Variants in TMEM170B observed in about 807,000 individuals in gnomAD.
The protein encoded by TMEM170B is transmembrane protein 170B.
Under a neutral mutation model 13.0 loss-of-function variants are expected in TMEM170B, and 6 were observed. The ratio of observed to expected loss-of-function variants is 0.46; its 90% CI spans 0.25 to 0.91. The LOEUF (loss-of-function observed/expected upper bound fraction) is 0.91. Ranked by LOEUF, TMEM170B falls within the 40% of genes least tolerant of loss-of-function variation. TMEM170B has a pLI of 0.17. For synonymous variants in TMEM170B, 61 were observed against 64.9 expected (o/e 0.94, Z 0.29); for missense variants, 138 against 165.2 (o/e 0.84, Z 0.90).
In TMEM170B at chr6:11,581,611, A is replaced by G. The variant is rs919443181; in HGVS notation, c.*6050A>G. 4 of 152,230 alleles carry G rather than the reference A, an allele frequency of 2.6e-5. No homozygotes were observed. Among genetic ancestry groups the G allele is most frequent in the African/African-American group, 9.6e-5 (4 of 41,470 alleles). The allele number at this position is 152,230 out of a possible 1,614,324, so 9.4% of individuals were successfully genotyped here. ...GTGCATAATCAATCGTCTGAGTCCCATAACTGTAACACTTTTTCTCTTATA... is the reference window on the plus strand; with the variant it reads ...GTGCATAATCAATCGTCTGAGTCCCGTAACTGTAACACTTTTTCTCTTATA... On this transcript the variant is annotated 3_prime_UTR_variant, in exon 3 of 3. Coordinates refer to ENST00000379426, the MANE Select transcript of TMEM170B (RefSeq NM_001100829.3).
chr6:11,561,773 C>T (rs751402486), intron 1 of TMEM170B, among the ~76,000 whole-genome samples: 1 of 152,064 alleles, frequency 6.6e-6, no homozygotes, highest in Non-Finnish European at 1.5e-5. Flanking sequence ...CATGTTCAGT[C>T]TGATGAAGGA....
At chr6:11,543,859 T>TA (rs1482640173) in intron 1 of TMEM170B, among the ~76,000 whole-genome samples, 5 of 152,330 alleles carry the variant, frequency 3.3e-5, no homozygotes, top group African/African-American at 1.2e-4. Flanking sequence ...ATTATCCCAA[T>TA]AGGTGAAGTG....
intron 1 of TMEM170B, among the ~76,000 whole-genome samples, chr6:11,561,435 G>A (rs1759664368): frequency 6.6e-6 from 1 of 152,100 alleles, no homozygotes; most frequent in Non-Finnish European, 1.5e-5. Context: ...TTCTTCCTAG[G>A]ACCTTGGGCA....
intron 1 of TMEM170B, among the ~76,000 whole-genome samples, chr6:11,544,604 A>T (rs1759406593): frequency 6.6e-6 from 1 of 152,222 alleles, no homozygotes; most frequent in African/African-American, 2.4e-5. Context: ...TACCAAGTTC[A>T]GCCTGCTATT....
In TMEM170B at chr6:11,578,565, T is replaced by G. The variant is rs1052832879; in HGVS notation, c.*3004T>G. The G allele has an allele frequency of 2.0e-5, 3 of 152,128 alleles. No homozygotes were observed. Among genetic ancestry groups the G allele is most frequent in the Admixed American group, 6.5e-5 (1 of 15,274 alleles). 9.4% of individuals were successfully genotyped at this position (152,128 alleles called of 1,614,324 possible). A position where few individuals can be genotyped will look rare whatever the true frequency, so the allele number is the denominator to read the frequency against. On this transcript the variant is annotated 3_prime_UTR_variant, in exon 3 of 3. Coordinates refer to ENST00000379426, the MANE Select transcript of TMEM170B (RefSeq NM_001100829.3). ...GGAGAACCAGCAGTCTTCCGAACCA[T>G]GGGACAGTTCCAAGGTAATAGCCTA...
At chr6:11,548,709 G>A (rs1354627354) in intron 1 of TMEM170B, among the ~76,000 whole-genome samples, 1 of 152,192 alleles carries the variant, frequency 6.6e-6, no homozygotes, top group Non-Finnish European at 1.5e-5. Context: ...TTAAGAAAAT[G>A]TGGCACATAT....
chr6:11,560,010 T>C (rs1013803342), intron 1 of TMEM170B, among the ~76,000 whole-genome samples: 15 of 152,012 alleles, frequency 9.9e-5, no homozygotes, highest in Non-Finnish European at 1.9e-4. Flanking sequence ...TTAATGACTT[T>C]CGGAGTTTTA....
rs188409238 is a variant in TMEM170B at position 11,578,250 on chromosome 6, C to T, written c.*2689C>T. 3.9e-5 allele frequency: 6 copies of T among 152,056 alleles called. No homozygotes were observed. Among genetic ancestry groups the T allele is most frequent in the Non-Finnish European group, 5.9e-5 (4 of 67,934 alleles). The allele number at this position is 152,056 out of a possible 1,614,324, so 9.4% of individuals were successfully genotyped here. The stretch of plus-strand genomic sequence containing the variant: ...CCTTGTTTGGGACATGACAAAAGTC[C>T]TTATTGATGTATTTGGGTTATATAC... On this transcript the variant is annotated 3_prime_UTR_variant, in exon 3 of 3. Transcript: ENST00000379426.
At chr6:11,566,871 TC>T (rs1759741180) in intron 2 of TMEM170B, among the ~76,000 whole-genome samples, 1 of 152,222 alleles carries the variant, frequency 6.6e-6, no homozygotes, top group Non-Finnish European at 1.5e-5. Context: ...GAGGCTTTCT[TC>T]CGTTTTCCGG....
chr6:11,555,396 G>A (rs1377104234), intron 1 of TMEM170B, among the ~76,000 whole-genome samples: 1 of 151,912 alleles, frequency 6.6e-6, no homozygotes, highest in Non-Finnish European at 1.5e-5. Flanking sequence ...TTGTTTTGTT[G>A]TTTTTTGGTT....
intron 1 of TMEM170B, among the ~76,000 whole-genome samples, chr6:11,562,623 G>A (rs2113775901): frequency 6.6e-6 from 1 of 152,038 alleles, no homozygotes; most frequent in South Asian, 2.1e-4. Flanking sequence ...ACAGTTGTAA[G>A]AACCAATACA....
At chr6:11,557,669 G>A (rs1231963884) in intron 1 of TMEM170B, among the ~76,000 whole-genome samples, 2 of 152,160 alleles carry the variant, frequency 1.3e-5, no homozygotes, top group African/African-American at 4.8e-5. Flanking sequence ...CAGTATGGTA[G>A]ATGGACTAAA....
intron 1 of TMEM170B, among the ~76,000 whole-genome samples, chr6:11,544,977 C>A (rs1054302600): frequency 6.7e-6 from 1 of 149,646 alleles, no homozygotes; most frequent in Non-Finnish European, 1.5e-5. Context: ...CTTTTATTTT[C>A]TTTAACTATT....
chr6:11,575,330 C>T lies in TMEM170B; in HGVS notation c.269-101C>T, dbSNP rs1359682736. 6 of 1,438,756 alleles carry T rather than the reference C, an allele frequency of 4.2e-6. No individual in the cohort carries two copies. Among genetic ancestry groups the T allele is most frequent in the Non-Finnish European group, 5.7e-6 (6 of 1,059,132 alleles). The allele number at this position is 1,438,756 out of a possible 1,614,324, so 89.1% of individuals were successfully genotyped here. On this transcript the variant is annotated intron_variant, in intron 2 of 2. Coordinates refer to ENST00000379426, the MANE Select transcript of TMEM170B (RefSeq NM_001100829.3). The surrounding 1 kb of genome is among the most constrained non-coding windows in gnomAD (Gnocchi z 4.1). ...GGATAAAATGAGAAAAAAATGATGA[C>T]TTATGTTTTGATGAAATGAAAAGAG...
At position 11,578,818 on chromosome 6, in the gene TMEM170B, G is replaced by T. The variant is rs1234686481; in HGVS notation, c.*3257G>T. ...GTTGGCCTGTATATCTTGTATTTGT[G>T]ATATGAGCAACGGGATAATTTGAAA... On this transcript the variant is annotated 3_prime_UTR_variant, in exon 3 of 3. Coordinates refer to ENST00000379426, the MANE Select transcript of TMEM170B (RefSeq NM_001100829.3). 3 of 152,160 alleles carry T rather than the reference G, an allele frequency of 2.0e-5. No homozygotes were observed. Among genetic ancestry groups the T allele is most frequent in the Admixed American group, 6.5e-5 (1 of 15,274 alleles). The allele number at this position is 152,160 out of a possible 1,614,324, so 9.4% of individuals were successfully genotyped here.
At chr6:11,552,468 A>G (rs567468015) in intron 1 of TMEM170B, among the ~76,000 whole-genome samples, 83 of 152,370 alleles carry the variant, frequency 5.4e-4, no homozygotes, top group Non-Finnish European at 1.1e-3. Context: ...GGCTGGCTAA[A>G]TAGTAGAAAG....
At chr6:11,551,980 A>G (rs1258134214) in intron 1 of TMEM170B, among the ~76,000 whole-genome samples, 2 of 152,168 alleles carry the variant, frequency 1.3e-5, no homozygotes, top group Non-Finnish European at 2.9e-5. Flanking sequence ...ACTCCCTACC[A>G]TGAATTACGT....
intron 1 of TMEM170B, among the ~76,000 whole-genome samples, chr6:11,544,031 ATCAC>A (rs1265201669): frequency 3.3e-5 from 5 of 152,234 alleles, no homozygotes; most frequent in African/African-American, 9.6e-5. Flanking sequence ...ATATTGAAAT[ATCAC>A]TCCATCAGTG....
chr6:11,567,613 A>G lies in TMEM170B; in HGVS notation c.268+1777A>G, dbSNP rs184081381. The stretch of plus-strand genomic sequence containing the variant: ...GAGGAGTCTGTTTTCTTATCCTTCA[A>G]TTGCTATTTTTTGTTATCTTGTGTT... On this transcript the variant is annotated intron_variant, in intron 2 of 2. Transcript: ENST00000379426. 9.2e-5 allele frequency among the ~76,000 whole-genome samples: 14 copies of G among 152,210 alleles called. No individual in the cohort carries two copies. The East Asian group carries it at 2.5e-3, about 27-fold the overall frequency.
Sources: gnomAD v4.1 joint callset for allele counts (sites outside exome capture counted in the v4.1 genomes callset) on GRCh38, gnomAD v4.1.1 for gene constraint, Gnocchi (gnomAD v3.1) non-coding constraint, MANE v1.5 for transcripts, NCBI Gene and HGNC (gene_info 2026-07-23, HGNC 2026-07-21) for gene names.